Variants in SETD1B observed in about 807,000 individuals in gnomAD.
SETD1B encodes histone-lysine N-methyltransferase SETD1B.
SETD1B carries 7 observed loss-of-function variants against 148.0 expected under a neutral mutation model. The ratio of observed to expected loss-of-function variants is 0.05; its 90% CI spans 0.03 to 0.09. The LOEUF is 0.09. SETD1B is among the 10% of genes least tolerant of loss of function. SETD1B has a pLI of 1.00. For synonymous variants in SETD1B, 1,361 were observed against 1,186.5 expected (o/e 1.15, Z -3.02); for missense variants, 2,155 against 2,729.9 (o/e 0.79, Z 4.69).
chr12:121,822,259 A>AG (rs2137576817), intron 11 of SETD1B, among the ~76,000 whole-genome samples: 1 of 152,264 alleles, frequency 6.6e-6, no homozygotes, highest in East Asian at 1.9e-4. Flanking sequence ...AAAGGCTGGA[A>AG]TACATGTCTC....
chr12:121,792,904 G>A, the SETD1B span, among the ~76,000 whole-genome samples: 1 of 152,240 alleles, frequency 6.6e-6, no homozygotes, highest in Non-Finnish European at 1.5e-5. Context: ...AACGAGCTGT[G>A]GGCTCTCAGC....
intron 16 of SETD1B, among the ~76,000 whole-genome samples, chr12:121,829,284 C>T (rs1222519499): frequency 3.3e-5 from 5 of 152,072 alleles, no homozygotes; most frequent in Non-Finnish European, 5.9e-5. Context: ...CTGTAGCAGG[C>T]GGGTGAGCAG....
Position 121,823,388 on chromosome 12 carries a change from G to A in SETD1B, c.4809G>A (p.Lys1603=). 1.6e-6 allele frequency: 2 copies of A among 1,280,658 alleles called. No homozygotes were observed. The highest frequency in any genetic ancestry group is 1.3e-5 in the South Asian group (1 of 77,912). The allele number at this position is 1,280,658 out of a possible 1,614,324, so 79.3% of individuals were successfully genotyped here. A position where few individuals can be genotyped will look rare whatever the true frequency, so the allele number is the denominator to read the frequency against. ...PPPPPPVEPT[K]LPFKELDNQW... ...CTCCCCCACCTGTAGAGCCCACCAA[G>A]CTGCCCTTTAAGGAGCTAGACAACC... The change falls in exon 12 of 17, where the codon AAG becomes AAA. Residue 1603 remains lysine (K), a synonymous_variant. Coordinates refer to ENST00000604567, the MANE Select transcript of SETD1B (RefSeq NM_001353345.2).
At chr12:121,820,906 C>G (rs1876537286) in intron 11 of SETD1B, among the ~76,000 whole-genome samples, 1 of 152,176 alleles carries the variant, frequency 6.6e-6, no homozygotes, top group Non-Finnish European at 1.5e-5. Context: ...ATGGCTAGGG[C>G]CCACGGACAT....
rs1478754695 is a variant in SETD1B at position 121,827,953 on chromosome 12, G to A, written c.5610G>A (p.Glu1870=). The change falls in exon 16 of 17, where the codon GAG becomes GAA. Residue 1870 remains glutamate (E), a synonymous_variant. Transcript: ENST00000604567. Reference sequence around the variant, plus strand: ...GCCAGGTGATCGCAGACATGCGGGAGAAGCGTTATGAGGACGAGGGCATCG... The same window carrying A: ...GCCAGGTGATCGCAGACATGCGGGAAAAGCGTTATGAGGACGAGGGCATCG... The part of the protein sequence containing the change: ...NIRQVIADMR[E]KRYEDEGIGS... The A allele has an allele frequency of 2.6e-6, 4 of 1,552,066 alleles. No individual in the cohort carries two copies. Among genetic ancestry groups the A allele is most frequent in the Admixed American group, 3.9e-5 (2 of 51,018 alleles).
chr12:121,798,487 G>T, the SETD1B span, among the ~76,000 whole-genome samples: 2 of 152,164 alleles, frequency 1.3e-5, no homozygotes, highest in Non-Finnish European at 2.9e-5. Context: ...CTAAAAGCTT[G>T]GGAGGAGGGC....
In SETD1B at chr12:121,809,809, C is replaced by A; in HGVS notation, c.864C>A (p.Ser288Arg). 1 of 1,551,578 alleles carries A rather than the reference C, an allele frequency of 6.4e-7. No homozygotes were observed. The highest frequency in any genetic ancestry group is 8.7e-7 in the Non-Finnish European group (1 of 1,146,976). Residue 288 changes from serine (S) to arginine (R), a missense_variant, in exon 6 of 17, where the codon AGC (serine) becomes AGA (arginine). Transcript: ENST00000604567. The part of the protein sequence containing the change: ...RLGTPFSQDS[S>R]YSSRQPTPSY... ...GCACCCCTTTCTCACAGGACTCCAG[C>A]TACTCCAGCCGCCAGCCCACACCCT...
At chr12:121,793,313 AC>A in the SETD1B span, 5 of 1,457,268 alleles carry the variant, frequency 3.4e-6, no homozygotes, top group Non-Finnish European at 3.8e-6. Flanking sequence ...TCCACTGTCC[AC>A]CCCCCTCACT....
At chr12:121,799,717 T>TGGGGGGGGGGGGTGGGG (rs1875206478), upstream of SETD1B, 2 of 19,134 alleles carry the variant, frequency 1.0e-4, no homozygotes, top group Admixed American at 5.9e-4. Flanking sequence ...CGCTCGCAGC[T>TGGGGGGGGGGGGTGGGG]GGGGGGGGGG....
intron 13 of SETD1B, 101 bp downstream of exon 13, chr12:121,825,467 GC>G: frequency 9.8e-7 from 1 of 1,019,442 alleles, no homozygotes; most frequent in Non-Finnish European, 1.4e-6. Flanking sequence ...GAGTTGTGAG[GC>G]CAGAGGGGCT....
intron 7 of SETD1B, among the ~76,000 whole-genome samples, chr12:121,815,802 A>G (rs1419626153): frequency 6.9e-6 from 1 of 145,514 alleles, no homozygotes; most frequent in Non-Finnish European, 1.5e-5. Context: ...CTCCTGGCCT[A>G]CTTACTATTT....
chr12:121,819,377 A>G, intron 10 of SETD1B, 27 bp from the exon 11 acceptor site: 1 of 1,550,884 alleles, frequency 6.4e-7, no homozygotes, highest in Non-Finnish European at 8.7e-7. Flanking sequence ...GTCCTCAGGC[A>G]GCCCCTCGTC....
the SETD1B span, chr12:121,795,340 G>A: frequency 2.0e-5 from 3 of 152,362 alleles, no homozygotes; most frequent in African/African-American, 7.2e-5. Flanking sequence ...CTTAGGGGAA[G>A]CAGTGCAATG....
At chr12:121,794,292 C>T in the SETD1B span, 2 of 152,300 alleles carry the variant, frequency 1.3e-5, no homozygotes, top group Non-Finnish European at 2.9e-5. Context: ...CTGGGCTCCG[C>T]TTACCCGCAC....
At chr12:121,809,480 C>T (rs1875909684) in intron 5 of SETD1B, 123 bp from the exon 6 acceptor site, 1 of 1,081,442 alleles carries the variant, frequency 9.2e-7, no homozygotes, top group African/African-American at 1.6e-5. Context: ...ACTTCCATTC[C>T]TTATGCTGCA....
Position 121,817,306 on chromosome 12 carries a change from G to A in SETD1B, c.2977+12G>A. Reference sequence around the variant, plus strand: ...TGAGGAAGATGAAGGTTCGTGCTCTGGGTGCTGGGGTCCCCTTCTTCCGCA... The same window carrying A: ...TGAGGAAGATGAAGGTTCGTGCTCTAGGTGCTGGGGTCCCCTTCTTCCGCA... On this transcript the variant is annotated intron_variant, in intron 8 of 16. Transcript: ENST00000604567. The surrounding 1 kb of genome is among the most constrained non-coding windows in gnomAD (Gnocchi z 8.1). The A allele has an allele frequency of 1.3e-6, 2 of 1,546,800 alleles. No individual in the cohort carries two copies. The highest frequency in any genetic ancestry group is 1.7e-6 in the Non-Finnish European group (2 of 1,144,176).
rs1467157800 is a variant in SETD1B, at chr12:121,827,869, G to A, written c.5589+15G>A. On this transcript the variant is annotated intron_variant, in intron 15 of 16. Transcript: ENST00000604567. ...ATATCCGTCAGGTAGGCACCGCCCG[G>A]CAGGATGGGCACCGGGGTGGGCATG... is the stretch of plus-strand genomic sequence containing the variant. 1 of 1,554,412 alleles carries A rather than the reference G, an allele frequency of 6.4e-7. No homozygotes were observed. Among genetic ancestry groups the A allele is most frequent in the Non-Finnish European group, 8.7e-7 (1 of 1,148,280 alleles).
intron 10 of SETD1B, among the ~76,000 whole-genome samples, chr12:121,818,198 T>G (rs1477133129): frequency 6.6e-6 from 1 of 152,158 alleles, no homozygotes; most frequent in East Asian, 1.9e-4. Context: ...TAAAAATACT[T>G]AGGGACCAGA....
At chr12:121,829,994 G>A (rs199788255) in intron 16 of SETD1B, 72 bp from the exon 17 acceptor site, 1 of 1,445,910 alleles carries the variant, frequency 6.9e-7, no homozygotes, top group South Asian at 1.3e-5. Context: ...GCCTGGTTGG[G>A]TTTGGGGGGT....
Sources: gnomAD v4.1 joint callset for allele counts (sites outside exome capture counted in the v4.1 genomes callset) on GRCh38, gnomAD v4.1.1 for gene constraint, Gnocchi (gnomAD v3.1) non-coding constraint, MANE v1.5 for transcripts, NCBI Gene and HGNC (gene_info 2026-07-23, HGNC 2026-07-21) for gene names.